The following SLC14A2 variants were observed in gnomAD, a reference collection of about 807,000 sequenced individuals.
The protein encoded by SLC14A2 is urea transporter 2.
In SLC14A2, 91 loss-of-function variants were observed where a neutral mutation model predicts 104.6. That is an observed-to-expected ratio of 0.87 (90% CI 0.73 to 1.04). The LOEUF (loss-of-function observed/expected upper bound fraction) is 1.04, where lower values mean the gene tolerates loss of function less well. Among genes scored for constraint, SLC14A2 ranks in the 50% least tolerant of loss-of-function variants. The pLI is 0.00. For synonymous variants in SLC14A2, 476 were observed against 466.4 expected (o/e 1.02, Z -0.27); for missense variants, 1,189 against 1,156.0 (o/e 1.03, Z -0.41).
chr18:45,366,714 C>A (rs74514323), intron 1 of SLC14A2, among the ~76,000 whole-genome samples: 183 of 152,292 alleles, frequency 1.2e-3, no homozygotes, highest in African/African-American at 4.2e-3. Flanking sequence ...CACTTCCTTA[C>A]CTCCATGCTT....
chr18:45,219,103 T>C (rs2143987313), intron 1 of SLC14A2, among the ~76,000 whole-genome samples: 1 of 152,296 alleles, frequency 6.6e-6, no homozygotes, highest in South Asian at 2.1e-4. Flanking sequence ...CCTCAGTGGA[T>C]TGTGATCCAT....
chr18:45,532,740 T>C (rs1423900737), intron 2 of SLC14A2, among the ~76,000 whole-genome samples: 1 of 152,166 alleles, frequency 6.6e-6, no homozygotes, highest in Non-Finnish European at 1.5e-5. Context: ...CTATGTTGAA[T>C]AGGAGTGGTG....
intron 2 of SLC14A2, among the ~76,000 whole-genome samples, chr18:45,488,289 G>T (rs1342379888): frequency 6.6e-6 from 1 of 152,152 alleles, no homozygotes; most frequent in Non-Finnish European, 1.5e-5. Flanking sequence ...CAGATTGTAA[G>T]TTCTGGGGAC....
chr18:45,609,324 C>A (rs1477752112), intron 2 of SLC14A2, among the ~76,000 whole-genome samples: 1 of 151,624 alleles, frequency 6.6e-6, no homozygotes, highest in Non-Finnish European at 1.5e-5. Context: ...CTAAAACTTC[C>A]CAATCCTTTC....
At chr18:45,628,127 C>T (rs751251668) in intron 4 of SLC14A2, among the ~76,000 whole-genome samples, 3 of 151,874 alleles carry the variant, frequency 2.0e-5, no homozygotes, top group Non-Finnish European at 4.4e-5. Context: ...TCCTGATGGT[C>T]AGAATCACTT....
intron 1 of SLC14A2, among the ~76,000 whole-genome samples, chr18:45,386,307 T>C (rs189987618): frequency 3.3e-5 from 5 of 152,114 alleles, no homozygotes; most frequent in African/African-American, 9.7e-5. Flanking sequence ...CTAAAACCCA[T>C]AGATAGGGAA....
the SLC14A2 span, among the ~76,000 whole-genome samples, chr18:45,207,791 C>A: frequency 2.0e-5 from 3 of 151,478 alleles, no homozygotes; most frequent in Non-Finnish European, 4.4e-5. Flanking sequence ...TCTAGTATTG[C>A]ATTTTTTTTA....
intron 2 of SLC14A2, among the ~76,000 whole-genome samples, chr18:45,599,515 A>G (rs1446696676): frequency 6.6e-6 from 1 of 152,170 alleles, no homozygotes. Context: ...TGAGCAGACA[A>G]TTCTGTTTTG....
At chr18:45,372,330 A>T (rs1013937589) in intron 1 of SLC14A2, among the ~76,000 whole-genome samples, 4 of 151,198 alleles carry the variant, frequency 2.6e-5, no homozygotes, top group Admixed American at 2.0e-4. Flanking sequence ...AATAATAATA[A>T]TAATAATAAT....
chr18:45,287,280 G>A (rs2084824193), intron 1 of SLC14A2, among the ~76,000 whole-genome samples: 1 of 152,218 alleles, frequency 6.6e-6, no homozygotes, highest in Non-Finnish European at 1.5e-5. Context: ...GAAAGAGGTA[G>A]AATCTGGTAA....
At chr18:45,401,946 G>A (rs972219390) in intron 1 of SLC14A2, among the ~76,000 whole-genome samples, 4 of 152,172 alleles carry the variant, frequency 2.6e-5, no homozygotes, top group Admixed American at 2.6e-4. Flanking sequence ...CCCTGTTAAG[G>A]TAACTGCGTT....
intron 2 of SLC14A2, among the ~76,000 whole-genome samples, chr18:45,525,479 T>G (rs1295956172): frequency 6.6e-6 from 1 of 152,244 alleles, no homozygotes; most frequent in Non-Finnish European, 1.5e-5. Context: ...AGATATGCCT[T>G]GGCTCCATTT....
At chr18:45,629,179 G>A (rs186181361) in intron 4 of SLC14A2, among the ~76,000 whole-genome samples, 5 of 152,334 alleles carry the variant, frequency 3.3e-5, no homozygotes, top group South Asian at 2.1e-4. Flanking sequence ...CCCAGCCGAC[G>A]TTCCTCATTC....
At chr18:45,662,007 A>T (rs2045943203) in intron 10 of SLC14A2, among the ~76,000 whole-genome samples, 1 of 152,228 alleles carries the variant, frequency 6.6e-6, no homozygotes. Flanking sequence ...AACTTTCAGC[A>T]TAAAAATATA....
intron 1 of SLC14A2, among the ~76,000 whole-genome samples, chr18:45,435,983 C>A (rs1417378275): frequency 6.6e-6 from 1 of 152,140 alleles, no homozygotes; most frequent in Non-Finnish European, 1.5e-5. Flanking sequence ...GACTAAACAG[C>A]AGCATATGAC....
chr18:45,224,371 A>T (rs2144002147), intron 1 of SLC14A2, among the ~76,000 whole-genome samples: 1 of 152,362 alleles, frequency 6.6e-6, no homozygotes, highest in African/African-American at 2.4e-5. Flanking sequence ...AAGAACAGCA[A>T]CCTTGAAAGC....
chr18:45,278,692 G>A (rs2084729696), intron 1 of SLC14A2, among the ~76,000 whole-genome samples: 2 of 152,096 alleles, frequency 1.3e-5, no homozygotes, highest in South Asian at 2.1e-4. Context: ...TGTGAAACCT[G>A]TATATACTTG....
intron 1 of SLC14A2, among the ~76,000 whole-genome samples, chr18:45,254,550 A>G (rs1329241450): frequency 6.6e-6 from 1 of 152,172 alleles, no homozygotes; most frequent in African/African-American, 2.4e-5. Context: ...GCTTCCATAG[A>G]CTGTGAAACA....
rs538695006 is a variant in SLC14A2, at chr18:45,301,259, A to G, written c.-125+88068A>G. 4.6e-5 allele frequency among the ~76,000 whole-genome samples: 7 copies of G among 152,372 alleles called. No homozygotes were observed. The South Asian group carries it at 1.4e-3, about 32-fold the overall frequency. On this transcript the variant is annotated intron_variant, in intron 1 of 20. Coordinates refer to the SLC14A2 transcript ENST00000586448. ...ATGTAATGGATTTAGTAGTTGAGTC[A>G]GGACTAGAACCCCGACACTGTGGTT...
Sources: allele counts gnomAD v4.1 joint callset (sites outside exome capture counted in the v4.1 genomes callset), GRCh38; gene constraint gnomAD v4.1.1; transcripts MANE v1.5; gene names NCBI Gene and HGNC (gene_info 2026-07-23, HGNC 2026-07-21).